SLC22A15: variants seen among roughly 807,000 people sequenced by gnomAD.
The protein encoded by SLC22A15 is flipt 1.
A neutral mutation model predicts 62.7 loss-of-function variants in SLC22A15; 45 were observed. The ratio of observed to expected loss-of-function variants is 0.72; its 90% CI spans 0.56 to 0.92. The LOEUF (loss-of-function observed/expected upper bound fraction) is 0.92, where lower values mean the gene tolerates loss of function less well. Ranked by LOEUF, SLC22A15 falls within the 40% of genes least tolerant of loss-of-function variation. The probability of loss-of-function intolerance (pLI) is 0.00; values close to 1 mark genes in which losing one functional copy is unlikely to be tolerated. For missense variants in SLC22A15, 622 were observed against 665.6 expected (o/e 0.93, Z 0.72); for synonymous variants, 264 against 267.0 (o/e 0.99, Z 0.11).
At chr1:115,987,880 C>T (rs559512636) in intron 1 of SLC22A15, among the ~76,000 whole-genome samples, 16 of 152,044 alleles carry the variant, frequency 1.1e-4, no homozygotes, top group Non-Finnish European at 1.8e-4. Context: ...ATTTTTCCTA[C>T]TTAAAAAAAT....
intron 2 of SLC22A15, among the ~76,000 whole-genome samples, chr1:115,995,334 C>G (rs986945074): frequency 6.6e-6 from 1 of 152,156 alleles, no homozygotes; most frequent in East Asian, 1.9e-4. Flanking sequence ...TCACTGCAAC[C>G]TTTGCCTCCT....
intron 1 of SLC22A15, among the ~76,000 whole-genome samples, chr1:115,977,001 C>T (rs1247652541): frequency 1.3e-5 from 2 of 152,170 alleles, no homozygotes; most frequent in Admixed American, 6.5e-5. Flanking sequence ...GGTTTCTCAG[C>T]CGCTATGCTG....
chr1:116,022,765 G>C (rs1372302900), intron 4 of SLC22A15, among the ~76,000 whole-genome samples: 7 of 152,168 alleles, frequency 4.6e-5, no homozygotes, highest in African/African-American at 1.7e-4. Context: ...AGTGAAAAGG[G>C]AGAGAGGAAG....
In SLC22A15 at chr1:115,995,794, T is replaced by A. The variant is rs372623587; in HGVS notation, c.300+3551T>A. Among the ~76,000 whole-genome samples, 4 of 152,142 alleles carry A rather than the reference T, an allele frequency of 2.6e-5. No individual in the cohort carries two copies. In the East Asian group the frequency reaches 5.8e-4, roughly 22 times the overall value. On this transcript the variant is annotated intron_variant, in intron 2 of 11. Transcript: ENST00000369503. ...TTTTCCTAATTTACCAGTGGGAACC[T>A]CTTCAAGCTGCCTCTTGTGTCCTTT...
intron 2 of SLC22A15, among the ~76,000 whole-genome samples, chr1:115,993,040 T>C (rs1043685596): frequency 3.3e-5 from 5 of 152,158 alleles, no homozygotes; most frequent in South Asian, 2.1e-4. Flanking sequence ...CAAGGGGGCT[T>C]TGCTGGCCAG....
At chr1:116,048,563 A>G (rs1557904878) in intron 8 of SLC22A15, among the ~76,000 whole-genome samples, 3 of 152,208 alleles carry the variant, frequency 2.0e-5, no homozygotes, top group Admixed American at 2.0e-4. Context: ...AACTACCACT[A>G]CAAGAACTGC....
chr1:116,031,716 T>TCTCCTGATC, intron 6 of SLC22A15, 135 bp downstream of exon 6: 1 of 1,463,164 alleles, frequency 6.8e-7, no homozygotes. Context: ...CAACAGCAAG[T>TCTCCTGATC]CTCCTGATCC....
chr1:115,987,356 G>A lies in SLC22A15; in HGVS notation c.88-4675G>A, dbSNP rs1440185336. Reference sequence around the variant, plus strand: ...AATTTTTGTATTTTTATTAGAGATGGGGTTTCTCTGTGTTAGCCAGGATGG... The same window carrying A: ...AATTTTTGTATTTTTATTAGAGATGAGGTTTCTCTGTGTTAGCCAGGATGG... On this transcript the variant is annotated intron_variant, in intron 1 of 11. Coordinates refer to ENST00000369503, the MANE Select transcript of SLC22A15 (RefSeq NM_018420.3). 4.6e-5 allele frequency among the ~76,000 whole-genome samples: 7 copies of A among 152,062 alleles called. No individual in the cohort carries two copies. In the East Asian group the frequency reaches 1.4e-3, roughly 29 times the overall value.
chr1:116,041,252 A>G (rs192008653), intron 8 of SLC22A15, among the ~76,000 whole-genome samples: 17 of 152,344 alleles, frequency 1.1e-4, no homozygotes, highest in Admixed American at 2.6e-4. Context: ...TCTAGTGTCT[A>G]TGATACAAAA....
chr1:115,983,560 A>C (rs1654715479), intron 1 of SLC22A15, among the ~76,000 whole-genome samples: 1 of 152,156 alleles, frequency 6.6e-6, no homozygotes, highest in Admixed American at 6.5e-5. Flanking sequence ...AGGCCCTGTA[A>C]GGCTGTTGTC....
At chr1:115,999,188 G>C (rs1254930385) in intron 2 of SLC22A15, among the ~76,000 whole-genome samples, 1 of 152,118 alleles carries the variant, frequency 6.6e-6, no homozygotes, top group African/African-American at 2.4e-5. Flanking sequence ...TTGTTTTGTG[G>C]CTAACATGTG....
intron 8 of SLC22A15, among the ~76,000 whole-genome samples, chr1:116,048,413 G>T (rs1371049429): frequency 6.6e-6 from 1 of 152,214 alleles, no homozygotes; most frequent in African/African-American, 2.4e-5. Flanking sequence ...AGCTAGAAGG[G>T]ATTGGGGCCC....
chr1:116,062,016 C>T (rs1271217627), intron 8 of SLC22A15, among the ~76,000 whole-genome samples: 3 of 152,086 alleles, frequency 2.0e-5, no homozygotes, highest in African/African-American at 7.2e-5. Context: ...CAAGACCAGC[C>T]TGGCCAACAT....
intron 8 of SLC22A15, among the ~76,000 whole-genome samples, chr1:116,041,942 T>C (rs1410966720): frequency 6.7e-6 from 1 of 149,924 alleles, no homozygotes; most frequent in Non-Finnish European, 1.5e-5. Context: ...AAACCCTGGT[T>C]TGTTTGTTTG....
chr1:116,026,796 C>A, intron 4 of SLC22A15, 97 bp from the exon 5 acceptor site: 2 of 1,470,030 alleles, frequency 1.4e-6, no homozygotes, highest in Admixed American at 1.9e-5. Context: ...ATAGGGCTGA[C>A]ATCTCACCAG....
intron 8 of SLC22A15, among the ~76,000 whole-genome samples, chr1:116,041,360 T>C (rs955788282): frequency 2.0e-5 from 3 of 152,176 alleles, no homozygotes; most frequent in Admixed American, 1.3e-4. Context: ...AAATCAGTAC[T>C]ATATGAGAAT....
At chr1:116,032,699 GA>G in intron 6 of SLC22A15, 1 of 938,370 alleles carries the variant, frequency 1.1e-6, no homozygotes, top group Non-Finnish European at 1.3e-6. Context: ...TTGAGGCTTG[GA>G]GGCATGGAGA....
intron 2 of SLC22A15, among the ~76,000 whole-genome samples, chr1:116,000,166 T>G (rs1440107194): frequency 6.6e-6 from 1 of 152,232 alleles, no homozygotes; most frequent in Non-Finnish European, 1.5e-5. Flanking sequence ...CTGGTTGTTT[T>G]GTGGTTTTCT....
intron 10 of SLC22A15, among the ~76,000 whole-genome samples, chr1:116,065,782 C>T (rs1435890107): frequency 1.3e-5 from 2 of 152,118 alleles, no homozygotes; most frequent in African/African-American, 4.8e-5. Flanking sequence ...ACCAGAAGAT[C>T]ATAAAGCTTA....
Sources: gnomAD v4.1 joint callset for allele counts (sites outside exome capture counted in the v4.1 genomes callset) on GRCh38, gnomAD v4.1.1 for gene constraint, MANE v1.5 for transcripts, NCBI Gene and HGNC (gene_info 2026-07-23, HGNC 2026-07-21) for gene names.